Variants in OR3A2 observed in about 807,000 individuals in gnomAD.
OR3A2 encodes the protein olfactory receptor family 3 subfamily A member 2, also known as olfactory receptor 3A2.
For missense variants in OR3A2, 318 were observed against 392.8 expected, an observed-to-expected ratio of 0.81 and a Z score of 1.61; for synonymous variants, 126 against 159.3, an observed-to-expected ratio of 0.79 and a Z score of 1.57.
chr17:3,332,977 C>A (rs957646741), intron 3 of OR3A2, among the ~76,000 whole-genome samples: 1 of 152,098 alleles, frequency 6.6e-6, no homozygotes, highest in African/African-American at 2.4e-5. Context: ...TTTTAAGGAA[C>A]AAGGGAAGAC....
intron 3 of OR3A2, among the ~76,000 whole-genome samples, chr17:3,314,574 A>C (rs1338537165): frequency 6.6e-6 from 1 of 152,198 alleles, no homozygotes; most frequent in Non-Finnish European, 1.5e-5. Flanking sequence ...TGGAGGGAAT[A>C]GGACTGGGGA....
intron 2 of OR3A2, among the ~76,000 whole-genome samples, chr17:3,382,651 G>C (rs1330375526): frequency 2.0e-5 from 3 of 152,160 alleles, no homozygotes; most frequent in Admixed American, 6.5e-5. Context: ...CCACATTTTA[G>C]CTCTAAGCAA....
At position 3,292,489 on chromosome 17, in the gene OR3A2, C is replaced by A; in HGVS notation, c.-84-13336G>T. On this transcript the variant is annotated intron_variant, in intron 3 of 4. Transcript: ENST00000573491. ...ACCAGGTAGGCAAAGAGGAAGAGCA[C>A]AAAGACAACTGGCTGCAGCCCTGGC... The A allele has an allele frequency of 1.9e-6, 3 of 1,613,724 alleles. No individual in the cohort carries two copies. The Middle Eastern group carries it at 4.9e-4, about 266-fold the overall frequency.
At chr17:3,372,839 GA>G (rs1381383807) in intron 2 of OR3A2, among the ~76,000 whole-genome samples, 1 of 124,534 alleles carries the variant, frequency 8.0e-6, no homozygotes. Context: ...AGAGGGAGGA[GA>G]AGGAGAAGGA....
intron 3 of OR3A2, among the ~76,000 whole-genome samples, chr17:3,312,269 T>G (rs1021318530): frequency 6.6e-6 from 1 of 152,174 alleles, no homozygotes; most frequent in African/African-American, 2.4e-5. Context: ...AAAAATGAAA[T>G]GTCTGGCCTC....
At chr17:3,312,198 A>T (rs9893240) in intron 3 of OR3A2, among the ~76,000 whole-genome samples, 23,001 of 152,116 alleles carry the variant, frequency 0.15, 2,306 homozygotes, top group African/African-American at 0.28. Context: ...GCGGGAGACA[A>T]ACTATTTTGT....
intron 2 of OR3A2, among the ~76,000 whole-genome samples, chr17:3,338,035 A>C (rs371236): frequency 2.0e-5 from 3 of 152,058 alleles, no homozygotes; most frequent in Non-Finnish European, 2.9e-5. Context: ...GTGATGATGA[A>C]CATTTTTTCA....
rs1256942776 is a variant in OR3A2 at position 3,311,024 on chromosome 17, G to A, written c.-85+25009C>T. ...GAATCCGCTCTGCAGAGGGCAGAAA[G>A]AAAGCCTTCTCCACGTGTAGTTCCC... On this transcript the variant is annotated intron_variant, in intron 3 of 4. Coordinates refer to the OR3A2 transcript ENST00000573491. This position sits in a 1 kb window ranked among gnomAD's most constrained non-coding sequence, Gnocchi z 4.6. 3.6e-6 allele frequency: 2 copies of A among 548,288 alleles called. No homozygotes were observed. The highest frequency in any genetic ancestry group is 1.9e-5 in the Admixed American group (1 of 51,994). 34.0% of individuals were successfully genotyped at this position (548,288 alleles called of 1,614,324 possible).
rs1293545072 is a variant in OR3A2, at chr17:3,291,681, T to A, written c.-84-12528A>T. ...TGTGAGCATCCTCCAGATGGCACTC[T>A]GCACATCAGGGTTTCTGAAGCTGTA... On this transcript the variant is annotated intron_variant, in intron 3 of 4. Transcript: ENST00000573491. 1.2e-6 allele frequency: 2 copies of A among 1,609,774 alleles called. No individual in the cohort carries two copies. Among genetic ancestry groups the A allele is most frequent in the Middle Eastern group, 1.7e-4 (1 of 6,052 alleles).
intron 2 of OR3A2, among the ~76,000 whole-genome samples, chr17:3,364,585 CTAT>C (rs1281891218): frequency 6.6e-6 from 1 of 152,136 alleles, no homozygotes; most frequent in Non-Finnish European, 1.5e-5. Flanking sequence ...GTTAGAATGG[CTAT>C]TATCAAAAAG....
chr17:3,362,301 C>G (rs186730132), intron 2 of OR3A2, among the ~76,000 whole-genome samples: 1 of 151,344 alleles, frequency 6.6e-6, no homozygotes, highest in East Asian at 1.9e-4. Context: ...TTTGATTATT[C>G]TCTCTTTTCT....
In OR3A2 at chr17:3,311,090, C is replaced by T; in HGVS notation, c.-85+24943G>A. 3.7e-6 allele frequency: 2 copies of T among 543,666 alleles called. No individual in the cohort carries two copies. Among genetic ancestry groups the T allele is most frequent in the South Asian group, 2.8e-5 (2 of 72,508 alleles). The allele number at this position is 543,666 out of a possible 1,614,324, so 33.7% of individuals were successfully genotyped here. A position where few individuals can be genotyped will look rare whatever the true frequency, so the allele number is the denominator to read the frequency against. On this transcript the variant is annotated intron_variant, in intron 3 of 4. Transcript: ENST00000573491. This position sits in a 1 kb window ranked among gnomAD's most constrained non-coding sequence, Gnocchi z 4.6. ...GCATCTTCTATGGGACGGGCGTCTTCAGCTACACAAGGCTGGGTTCAGTGG... is the reference window on the plus strand; with the variant it reads ...GCATCTTCTATGGGACGGGCGTCTTTAGCTACACAAGGCTGGGTTCAGTGG...
intron 2 of OR3A2, among the ~76,000 whole-genome samples, chr17:3,350,584 A>G (rs1399176297): frequency 6.6e-6 from 1 of 150,650 alleles, no homozygotes; most frequent in Non-Finnish European, 1.5e-5. Context: ...ATGGATTCAC[A>G]GCCGAATTCT....
At chr17:3,365,315 G>A (rs2049553152) in intron 2 of OR3A2, among the ~76,000 whole-genome samples, 3 of 152,292 alleles carry the variant, frequency 2.0e-5, no homozygotes, top group South Asian at 4.1e-4. Flanking sequence ...AAAATAATCT[G>A]ATCTGGTGAC....
At chr17:3,290,219 T>G (rs1163278805) in intron 3 of OR3A2, among the ~76,000 whole-genome samples, 1 of 152,168 alleles carries the variant, frequency 6.6e-6, no homozygotes, top group Non-Finnish European at 1.5e-5. Context: ...CTGGAAAACA[T>G]AGAATGGGAA....
At chr17:3,334,237 T>C (rs959686085) in intron 3 of OR3A2, among the ~76,000 whole-genome samples, 1 of 152,052 alleles carries the variant, frequency 6.6e-6, no homozygotes, top group African/African-American at 2.4e-5. Flanking sequence ...CCATCTTTAC[T>C]ATTTTTAAGT....
intron 2 of OR3A2, among the ~76,000 whole-genome samples, chr17:3,359,134 T>C (rs753234775): frequency 2.0e-5 from 3 of 151,754 alleles, no homozygotes; most frequent in Non-Finnish European, 2.9e-5. Context: ...CTGGGTAGAT[T>C]TTCCTCCATC....
exon 2 of OR3A2, chr17:3,278,391 T>G: frequency 6.2e-7 from 1 of 1,614,128 alleles, no homozygotes. Context: ...GTGATTGACC[T>G]CATTGGGGCC....
At chr17:3,386,043 C>T in intron 1 of OR3A2, 82 bp downstream of exon 1, 1 of 398,782 alleles carries the variant, frequency 2.5e-6, no homozygotes, top group East Asian at 3.6e-5. Context: ...ATCTGCTCAA[C>T]GCCCTGAGCA....
Sources: gnomAD v4.1 joint callset for allele counts (sites outside exome capture counted in the v4.1 genomes callset) on GRCh38, gnomAD v4.1.1 for gene constraint, Gnocchi (gnomAD v3.1) non-coding constraint, MANE v1.5 for transcripts, NCBI Gene and HGNC (gene_info 2026-07-23, HGNC 2026-07-21) for gene names.